IGSF10: variants seen among roughly 807,000 people sequenced by gnomAD.
The protein encoded by IGSF10 is immunoglobulin superfamily member 10, also known as calvaria mechanical force protein 608.
In IGSF10, 126 loss-of-function variants were observed where a neutral mutation model predicts 128.2. The ratio of observed to expected loss-of-function variants is 0.98; its 90% CI spans 0.85 to 1.14. The LOEUF (loss-of-function observed/expected upper bound fraction) is 1.14. IGSF10 is among the 50% of genes most tolerant of loss of function. The pLI, the probability that IGSF10 is intolerant of heterozygous loss-of-function variation, is 0.00. For synonymous variants in IGSF10, 1,185 were observed against 1,146.2 expected, an observed-to-expected ratio of 1.03 and a Z score of -0.68; for missense variants, 3,295 against 3,149.8, an observed-to-expected ratio of 1.05 and a Z score of -1.10.
the IGSF10 span, among the ~76,000 whole-genome samples, chr3:151,577,180 C>A: frequency 6.6e-6 from 1 of 152,042 alleles, no homozygotes; most frequent in African/African-American, 2.4e-5. Context: ...TTTGGCATTT[C>A]TTTTGGTATT....
At chr3:151,616,527 A>C in the IGSF10 span, among the ~76,000 whole-genome samples, 37 of 152,214 alleles carry the variant, frequency 2.4e-4, no homozygotes, top group Non-Finnish European at 4.1e-4. Context: ...CACTTCCAAA[A>C]TAAATACTTA....
the IGSF10 span, among the ~76,000 whole-genome samples, chr3:151,616,589 A>C: frequency 6.6e-6 from 1 of 152,230 alleles, no homozygotes; most frequent in Non-Finnish European, 1.5e-5. Context: ...ATCAATGCAA[A>C]AGACTAATAT....
At chr3:151,439,353 C>A (rs551143328) in intron 7 of IGSF10, among the ~76,000 whole-genome samples, 25 of 152,354 alleles carry the variant, frequency 1.6e-4, no homozygotes, top group Non-Finnish European at 3.2e-4. Context: ...TGGCTCACAC[C>A]TGTAATCCCA....
intron 6 of IGSF10, among the ~76,000 whole-genome samples, chr3:151,444,387 A>C (rs2108545674): frequency 6.6e-6 from 1 of 152,326 alleles, no homozygotes; most frequent in South Asian, 2.1e-4. Context: ...GGCTCACTGC[A>C]ACCTCCGCCT....
chr3:151,525,312 C>T, the IGSF10 span, among the ~76,000 whole-genome samples: 192 of 152,244 alleles, frequency 1.3e-3, 1 homozygote, highest in Admixed American at 6.3e-3. Flanking sequence ...ATAACATGTA[C>T]ATTTTAATTC....
upstream of IGSF10, chr3:151,461,206 T>C (rs1462660305): frequency 4.1e-6 from 4 of 985,252 alleles, no homozygotes; most frequent in Non-Finnish European, 4.8e-6. Context: ...GTGGCTTCAC[T>C]CTTTAAATTC....
At chr3:151,498,734 G>A in the IGSF10 span, among the ~76,000 whole-genome samples, 603 of 152,258 alleles carry the variant, frequency 4.0e-3, 8 homozygotes, top group Non-Finnish European at 4.6e-3. Context: ...AGCCATTTCA[G>A]AAGCTGAATA....
At chr3:151,452,492 C>T (rs1276620671) in intron 5 of IGSF10, among the ~76,000 whole-genome samples, 12 of 152,030 alleles carry the variant, frequency 7.9e-5, no homozygotes, top group Non-Finnish European at 1.3e-4. Flanking sequence ...TGTCACTAGG[C>T]AATAGTTTTA....
chr3:151,473,047 C>T, the IGSF10 span, among the ~76,000 whole-genome samples: 1 of 152,186 alleles, frequency 6.6e-6, no homozygotes, highest in Non-Finnish European at 1.5e-5. Flanking sequence ...GGAAGAGATG[C>T]CATCCTAGTT....
downstream of IGSF10, chr3:151,432,619 AAGGAT>A: frequency 4.7e-6 from 3 of 635,838 alleles, no homozygotes; most frequent in Non-Finnish European, 8.3e-6. Flanking sequence ...TTTTCAGGGC[AAGGAT>A]AGTACTCTCC....
chr3:151,613,681 G>A, the IGSF10 span, among the ~76,000 whole-genome samples: 1 of 152,130 alleles, frequency 6.6e-6, no homozygotes, highest in Non-Finnish European at 1.5e-5. Context: ...AATTCAAGAT[G>A]GATTAAAGAC....
intron 7 of IGSF10, among the ~76,000 whole-genome samples, chr3:151,442,579 G>C (rs1056905382): frequency 6.1e-5 from 8 of 132,182 alleles, no homozygotes; most frequent in African/African-American, 2.4e-4. Context: ...AGTAGAGATA[G>C]GGTTTCACCA....
chr3:151,581,153 C>T, the IGSF10 span, among the ~76,000 whole-genome samples: 1 of 152,140 alleles, frequency 6.6e-6, no homozygotes, highest in Non-Finnish European at 1.5e-5. Flanking sequence ...CTGTGTTAGA[C>T]TGTGGGTGAA....
chr3:151,604,747 A>G, the IGSF10 span, among the ~76,000 whole-genome samples: 5 of 152,104 alleles, frequency 3.3e-5, no homozygotes, highest in East Asian at 3.8e-4. Context: ...AGACTTTAAA[A>G]ATATGGACAA....
Position 151,445,017 on chromosome 3 carries a change from G to A in IGSF10, c.4964C>T (p.Ala1655Val), listed in dbSNP as rs781205978. 4.4e-5 allele frequency: 71 copies of A among 1,614,046 alleles called. No homozygotes were observed. The highest frequency in any genetic ancestry group is 9.3e-6 in the Non-Finnish European group (11 of 1,179,986). ...GTTAGCTGGAATAGTAAAACTTGCA[G>A]CTTTTCCTCCAACTATCCTGGGCTT... is the stretch of plus-strand genomic sequence containing the variant. ...FEKPRIVGGKAASFTIPANSD... is the reference protein window; with the variant it reads ...FEKPRIVGGKVASFTIPANSD... Residue 1655 changes from alanine (A) to valine (V), a missense_variant, in exon 6 of 8, where the codon GCT (alanine) becomes GTT (valine). Coordinates refer to ENST00000282466, the MANE Select transcript of IGSF10 (RefSeq NM_178822.5).
chr3:151,476,789 A>G, the IGSF10 span, among the ~76,000 whole-genome samples: 3 of 152,208 alleles, frequency 2.0e-5, no homozygotes, highest in Non-Finnish European at 4.4e-5. Flanking sequence ...GCAGTACAAT[A>G]TAGTCAGGAT....
chr3:151,570,104 T>C, the IGSF10 span, among the ~76,000 whole-genome samples: 2 of 152,240 alleles, frequency 1.3e-5, no homozygotes, highest in Non-Finnish European at 2.9e-5. Flanking sequence ...ATGGTGTATA[T>C]GTGCCACATT....
chr3:151,437,332 C>T lies in IGSF10; in HGVS notation c.7229G>A (p.Arg2410His), dbSNP rs370875040. ...GCCAACTTTATTCCTAGCTGCACAG[C>T]GATATTTTCCTGCATCCTCCCGAGT... ...KTTREDAGKYRCAARNKVGYI... is the reference protein window; with the variant it reads ...KTTREDAGKYHCAARNKVGYI... Residue 2410 changes from arginine (R) to histidine (H), a missense_variant, in exon 8 of 8, where the codon CGC becomes CAC. Transcript: ENST00000282466. 33 of 1,614,032 alleles carry T rather than the reference C, an allele frequency of 2.0e-5. No homozygotes were observed. The African/African-American group carries it at 2.9e-4, about 14-fold the overall frequency.
chr3:151,463,814 C>T (rs534685666), upstream of IGSF10, among the ~76,000 whole-genome samples: 4 of 151,434 alleles, frequency 2.6e-5, no homozygotes, highest in African/African-American at 7.3e-5. Flanking sequence ...GGTGAAACCC[C>T]GTCTCTACAA....
Sources: gnomAD v4.1 joint callset for allele counts (sites outside exome capture counted in the v4.1 genomes callset) on GRCh38, gnomAD v4.1.1 for gene constraint, MANE v1.5 for transcripts, NCBI Gene and HGNC (gene_info 2026-07-23, HGNC 2026-07-21) for gene names.